The following GPR37 variants were observed in gnomAD, a reference collection of about 807,000 sequenced individuals.
GPR37 encodes the protein G protein-coupled receptor 37, also known as prosaposin receptor GPR37.
A neutral mutation model predicts 43.6 loss-of-function variants in GPR37; 20 were observed. The observed-to-expected ratio is 0.46, with a 90% CI of 0.32 to 0.67. GPR37 has a LOEUF of 0.67. GPR37 is among the 30% of genes least tolerant of loss of function. The pLI is 0.03. For missense variants in GPR37, 724 were observed against 797.2 expected (o/e 0.91, Z 1.11); for synonymous variants, 315 against 322.6 (o/e 0.98, Z 0.25).
chr7:124,747,445 T>G, intron 1 of GPR37, 102 bp from the exon 2 acceptor site: 1 of 699,352 alleles, frequency 1.4e-6, no homozygotes. Context: ...AAAATATGGA[T>G]AAATAAAAAT....
intron 1 of GPR37, among the ~76,000 whole-genome samples, chr7:124,755,043 A>G (rs1170677949): frequency 6.6e-6 from 1 of 152,062 alleles, no homozygotes; most frequent in African/African-American, 2.4e-5. Context: ...GTGTATGCAG[A>G]TCATGATACT....
At position 124,745,388 on chromosome 7, in the gene GPR37, A is replaced by C. The variant is rs4731205; in HGVS notation, c.*1137T>G. ...ACACAACTGCTGCATTTTAAACTCC[A>C]GAAGAGGCAAAAGAGGGGATTCAAA... On this transcript the variant is annotated 3_prime_UTR_variant, in exon 2 of 2. Coordinates refer to ENST00000303921, the MANE Select transcript of GPR37 (RefSeq NM_005302.5). Among the ~76,000 whole-genome samples the C allele has an allele frequency of 0.71, 107,964 of 151,982 alleles. 39,475 individuals are homozygous for C. Among genetic ancestry groups the C allele is most frequent in the East Asian group, 1 (5,151 of 5,164 alleles).
chr7:124,764,283 G>T lies in GPR37; in HGVS notation c.694C>A (p.Pro232Thr). Residue 232 changes from proline to threonine, a missense_variant, in exon 1 of 2, where the codon CCT becomes ACT. By Grantham distance (38) the Pro-to-Thr change is conservative. Transcript: ENST00000303921. The surrounding 1 kb of genome is among the most constrained non-coding windows in gnomAD (Gnocchi z 5.4). ...NGSLGEGIHE[P>T]GGPRRGNSTN... Reference sequence around the variant, plus strand: ...CTGTTTCCCCGGCGGGGACCCCCAGGCTCATGGATTCCTTCACCCAAGGAT... The same window carrying T: ...CTGTTTCCCCGGCGGGGACCCCCAGTCTCATGGATTCCTTCACCCAAGGAT... 6.2e-7 allele frequency: 1 copy of T among 1,601,334 alleles called. No homozygotes were observed. The highest frequency in any genetic ancestry group is 1.1e-5 in the South Asian group (1 of 89,030).
In GPR37 at chr7:124,747,053, G is replaced by A. The variant is rs368914982; in HGVS notation, c.1314C>T (p.Tyr438=). 121 of 1,613,836 alleles carry A rather than the reference G, an allele frequency of 7.5e-5. 1 individual carries two copies. The highest frequency in any genetic ancestry group is 1.1e-4 in the East Asian group (5 of 44,870). ...PDTIYVLALT[Y]DSARLWWYFG... is the part of the protein sequence containing the mutation. ...AATACCACCACAGTCTCGCACTGTC[G>A]TAGGTGAGGGCTAGAACATAGATGG... The change falls in exon 2 of 2, where the codon TAC becomes TAT. Residue 438 remains tyrosine (Y), a synonymous_variant. Coordinates refer to ENST00000303921, the MANE Select transcript of GPR37 (RefSeq NM_005302.5).
At chr7:124,758,163 C>A (rs368129869) in intron 1 of GPR37, among the ~76,000 whole-genome samples, 1 of 152,164 alleles carries the variant, frequency 6.6e-6, no homozygotes, top group African/African-American at 2.4e-5. Context: ...TAAAACTTTT[C>A]TTTCTTGTGG....
chr7:124,752,842 G>A (rs898386236), intron 1 of GPR37, among the ~76,000 whole-genome samples: 1 of 152,034 alleles, frequency 6.6e-6, no homozygotes, highest in South Asian at 2.1e-4. Context: ...TATTTTAACT[G>A]AAGTATCTAT....
chr7:124,746,717 GA>G lies in GPR37; in HGVS notation c.1649del (p.Phe550SerfsTer29). 1 of 1,614,020 alleles carries G rather than the reference GA, an allele frequency of 6.2e-7. No homozygotes were observed. Among genetic ancestry groups the G allele is most frequent in the Non-Finnish European group, 8.5e-7 (1 of 1,179,928 alleles). ...CCCGACTGAAGGGTTTGCAGAGACAGAAAAGGAGGACTGGGGTGACACAGGA... is the reference window on the plus strand; with the variant it reads ...CCCGACTGAAGGGTTTGCAGAGACAGAAAGGAGGACTGGGGTGACACAGGA... ...FKSCVTPVLL[F>X]CLCKPFSRAF... On this transcript the variant is annotated frameshift_variant, in exon 2 of 2. Coordinates refer to ENST00000303921, the MANE Select transcript of GPR37 (RefSeq NM_005302.5). LOFTEE classifies it high-confidence loss of function.
chr7:124,765,064 C>T lies in GPR37; in HGVS notation c.-88G>A. On this transcript the variant is annotated 5_prime_UTR_variant, in exon 1 of 2. The change creates a new upstream start codon in the 5' untranslated region. Transcript: ENST00000303921. ...CGAAGTTGCTGCTGAGAGTTAGGCA[C>T]ATGTCACATACTCACCCCCGCCCGG... The T allele has an allele frequency of 7.9e-7, 1 of 1,263,722 alleles. No homozygotes were observed. The highest frequency in any genetic ancestry group is 1.1e-6 in the Non-Finnish European group (1 of 952,296). 78.3% of individuals were successfully genotyped at this position (1,263,722 alleles called of 1,614,324 possible).
rs551478152 is a variant in GPR37, at chr7:124,744,664, C to T, written c.*1861G>A. 4 of 152,320 alleles carry T rather than the reference C, an allele frequency of 2.6e-5. No individual in the cohort carries two copies. Among genetic ancestry groups the T allele is most frequent in the African/African-American group, 9.6e-5 (4 of 41,578 alleles). 9.4% of individuals were successfully genotyped at this position (152,320 alleles called of 1,614,324 possible). On this transcript the variant is annotated 3_prime_UTR_variant, in exon 2 of 2. Coordinates refer to ENST00000303921, the MANE Select transcript of GPR37 (RefSeq NM_005302.5). ...CAGAACTTCACATCTTCCTGAGGCA[C>T]CTAACAAGCCCCAGCTTATATCATA...
Position 124,765,428 on chromosome 7 carries a change from C to G in GPR37, c.-452G>C, listed in dbSNP as rs1793909048. ...CTTTCGACAGCGTTTGATCCAGTTGCAAGCCGAGGTCTCTAGAGGAAAAGA... is the reference window on the plus strand; with the variant it reads ...CTTTCGACAGCGTTTGATCCAGTTGGAAGCCGAGGTCTCTAGAGGAAAAGA... On this transcript the variant is annotated 5_prime_UTR_variant, in exon 1 of 2. Transcript: ENST00000303921. 1 of 158,448 alleles carries G rather than the reference C, an allele frequency of 6.3e-6. No homozygotes were observed. The highest frequency in any genetic ancestry group is 6.5e-5 in the Admixed American group (1 of 15,434). 9.8% of individuals were successfully genotyped at this position (158,448 alleles called of 1,614,324 possible).
chr7:124,752,182 G>A (rs563700967), intron 1 of GPR37, among the ~76,000 whole-genome samples: 32 of 152,148 alleles, frequency 2.1e-4, no homozygotes, highest in African/African-American at 7.7e-4. Context: ...AGGGGTTTAG[G>A]GTCATTCTTC....
At chr7:124,762,382 T>G (rs954572201) in intron 1 of GPR37, among the ~76,000 whole-genome samples, 15 of 152,078 alleles carry the variant, frequency 9.9e-5, no homozygotes, top group Admixed American at 7.9e-4. Flanking sequence ...GTCCAGTACA[T>G]TTCCAGTGAG....
In GPR37 at chr7:124,746,536, T is replaced by C. The variant is rs1793672009; in HGVS notation, c.1831A>G (p.Thr611Ala). The C allele has an allele frequency of 6.2e-7, 1 of 1,601,482 alleles. No homozygotes were observed. Among genetic ancestry groups the C allele is most frequent in the East Asian group, 2.2e-5 (1 of 44,754 alleles). Residue 611 changes from threonine (T) to alanine (A), a missense_variant, in exon 2 of 2, where the codon ACT becomes GCT. Thr to Ala is a moderately conservative substitution (Grantham distance 58). Around this residue, in one of 2 missense-constraint regions of GPR37, gnomAD observed 342 missense variants for 441.8 expected, o/e 0.77. Transcript: ENST00000303921. ...CCAAGTACTGTCCTTCAGCAATGAGTTCCGACAGAAGCAAAAGTGGACATT... is the reference window on the plus strand; with the variant it reads ...CCAAGTACTGTCCTTCAGCAATGAGCTCCGACAGAAGCAAAAGTGGACATT... ...REMSTFASVG[T>A]HC
chr7:124,764,542 G>T lies in GPR37; in HGVS notation c.435C>A (p.Phe145Leu). Residue 145 changes from phenylalanine (F) to leucine (L), a missense_variant, in exon 1 of 2, where the codon TTC becomes TTA. Transcript: ENST00000303921. This position sits in a 1 kb window ranked among gnomAD's most constrained non-coding sequence, Gnocchi z 5.4. ...GRGNPTALQL[F>L]LQISEEEEKG... The stretch of plus-strand genomic sequence containing the variant: ...TCTCTTCCTCCTCTGAGATCTGAAG[G>T]AAGAGCTGGAGGGCCGTGGGGTTCC... 6.2e-7 allele frequency: 1 copy of T among 1,613,558 alleles called. No individual in the cohort carries two copies. Among genetic ancestry groups the T allele is most frequent in the Non-Finnish European group, 8.5e-7 (1 of 1,179,998 alleles).
Position 124,764,998 on chromosome 7 carries a change from G to A in GPR37, c.-22C>T, listed in dbSNP as rs893943695. The stretch of plus-strand genomic sequence containing the variant: ...GCATGGCTTGGTGAGGGCACACCCG[G>A]CAGCCGCAGCTCCTGCTTAGTTAGG... On this transcript the variant is annotated 5_prime_UTR_variant, in exon 1 of 2. Transcript: ENST00000303921. The surrounding 1 kb of genome is among the most constrained non-coding windows in gnomAD (Gnocchi z 5.4). 5 of 1,436,244 alleles carry A rather than the reference G, an allele frequency of 3.5e-6. No homozygotes were observed. In the Admixed American group the frequency reaches 8.5e-5, roughly 24 times the overall value. The allele number at this position is 1,436,244 out of a possible 1,614,324, so 89.0% of individuals were successfully genotyped here.
At chr7:124,759,187 C>A (rs1270968590) in intron 1 of GPR37, among the ~76,000 whole-genome samples, 2 of 152,036 alleles carry the variant, frequency 1.3e-5, no homozygotes, top group African/African-American at 4.8e-5. Context: ...CTACCCCAGC[C>A]TCCTGAATGG....
chr7:124,756,576 C>T (rs1242211717), intron 1 of GPR37, among the ~76,000 whole-genome samples: 1 of 152,224 alleles, frequency 6.6e-6, no homozygotes, highest in Non-Finnish European at 1.5e-5. Flanking sequence ...GAGATCATCT[C>T]TTCTGGCACA....
At chr7:124,755,404 A>G (rs1490173345) in intron 1 of GPR37, among the ~76,000 whole-genome samples, 2 of 152,068 alleles carry the variant, frequency 1.3e-5, no homozygotes, top group Non-Finnish European at 2.9e-5. Flanking sequence ...GCTTGATACC[A>G]CGCTTTCCTT....
intron 1 of GPR37, among the ~76,000 whole-genome samples, chr7:124,760,060 T>C (rs1464469502): frequency 2.0e-5 from 3 of 151,840 alleles, no homozygotes; most frequent in African/African-American, 7.3e-5. Context: ...TCATAATCTA[T>C]TGAGAATAAA....
Sources: gnomAD v4.1 joint callset for allele counts (sites outside exome capture counted in the v4.1 genomes callset) on GRCh38, gnomAD v4.1.1 for gene constraint, gnomAD v4.1.1 regional missense constraint, Gnocchi (gnomAD v3.1) non-coding constraint, MANE v1.5 for transcripts, NCBI Gene and HGNC (gene_info 2026-07-23, HGNC 2026-07-21) for gene names.